Variants in SYNPR observed in about 807,000 individuals in gnomAD.
SYNPR encodes synaptoporin.
A neutral mutation model predicts 32.9 loss-of-function variants in SYNPR; 23 were observed. The ratio of observed to expected loss-of-function variants is 0.70; its 90% CI spans 0.50 to 0.99. The LOEUF (loss-of-function observed/expected upper bound fraction) is 0.99, where lower values mean the gene tolerates loss of function less well. Among genes scored for constraint, SYNPR ranks in the 50% least tolerant of loss-of-function variants. The probability of loss-of-function intolerance (pLI) is 0.00; values close to 1 mark genes in which losing one functional copy is unlikely to be tolerated. For missense variants in SYNPR, 318 were observed against 349.3 expected, an observed-to-expected ratio of 0.91 and a Z score of 0.71; for synonymous variants, 146 against 135.9, an observed-to-expected ratio of 1.07 and a Z score of -0.52.
intron 2 of SYNPR, among the ~76,000 whole-genome samples, chr3:63,282,611 A>G (rs1171372410): frequency 6.6e-6 from 1 of 150,574 alleles, no homozygotes; most frequent in East Asian, 2.0e-4. Flanking sequence ...TGAGCCCACG[A>G]GGTCAAGGCT....
rs577000083 is a variant in SYNPR at position 63,247,789 on chromosome 3, C to T, written n.67-4710C>T. 1.2e-4 allele frequency among the ~76,000 whole-genome samples: 18 copies of T among 152,088 alleles called. No individual in the cohort carries two copies. In the South Asian group the frequency reaches 2.5e-3, roughly 21 times the overall value. On this transcript the variant is annotated intron_variant and non_coding_transcript_variant, in intron 1 of 4. Transcript: ENST00000478456. ...TCTCTCAGCGAGTCAGCCTAAATAC[C>T]GTGAGGTGAAGGGTCAGAACACTGG...
At chr3:63,301,028 A>G (rs1458054657) in intron 2 of SYNPR, among the ~76,000 whole-genome samples, 2 of 152,142 alleles carry the variant, frequency 1.3e-5, no homozygotes, top group African/African-American at 4.8e-5. Flanking sequence ...GCAATGAAAT[A>G]TGATTTGGAA....
At chr3:63,524,852 CAT>C (rs1491219619) in intron 3 of SYNPR, among the ~76,000 whole-genome samples, 767 of 62,080 alleles carry the variant, frequency 0.012, 4 homozygotes, top group African/African-American at 0.031. Flanking sequence ...TGTGTGTGTG[CAT>C]GTGTGTGTGT....
intron 5 of SYNPR, chr3:63,610,524 T>C (rs1178580436): frequency 2.9e-6 from 2 of 700,204 alleles, no homozygotes; most frequent in South Asian, 1.5e-5. Context: ...AAAGGGTTGC[T>C]ACTCTGACTG....
rs545685911 is a variant in SYNPR, at chr3:63,592,849, T to C, written c.409-16276T>C. ...ATCAAGACTAATTAATAGAGTGAACTTTCAGGAGCTGGGCTAAGCATTTTA... is the reference window on the plus strand; with the variant it reads ...ATCAAGACTAATTAATAGAGTGAACCTTCAGGAGCTGGGCTAAGCATTTTA... On this transcript the variant is annotated intron_variant, in intron 4 of 5. Transcript: ENST00000478300. 5.3e-5 allele frequency among the ~76,000 whole-genome samples: 8 copies of C among 152,244 alleles called. 1 individual carries two copies. Among genetic ancestry groups the C allele is most frequent in the South Asian group, 2.1e-4 (1 of 4,826 alleles).
intron 2 of SYNPR, among the ~76,000 whole-genome samples, chr3:63,283,074 T>C (rs966829918): frequency 1.3e-5 from 2 of 152,166 alleles, no homozygotes; most frequent in Non-Finnish European, 2.9e-5. Context: ...TGGTAAACTG[T>C]GGTATGCAGG....
chr3:63,585,451 C>CCA (rs1703166937), intron 4 of SYNPR, among the ~76,000 whole-genome samples: 1 of 107,754 alleles, frequency 9.3e-6, no homozygotes, highest in African/African-American at 3.7e-5. Flanking sequence ...ATATCCATGC[C>CCA]CCCCCCCTCC....
intron 4 of SYNPR, among the ~76,000 whole-genome samples, chr3:63,568,836 T>C (rs1205787030): frequency 6.6e-6 from 1 of 152,174 alleles, no homozygotes. Flanking sequence ...TGGCTGAATT[T>C]CCTCATGTGA....
At chr3:63,472,349 T>C (rs991132289) in intron 2 of SYNPR, among the ~76,000 whole-genome samples, 6 of 152,176 alleles carry the variant, frequency 3.9e-5, no homozygotes, top group Non-Finnish European at 7.3e-5. Flanking sequence ...TTAACCTCTG[T>C]TTCCTCATCT....
At chr3:63,310,393 C>G (rs570328645) in intron 2 of SYNPR, among the ~76,000 whole-genome samples, 2 of 152,100 alleles carry the variant, frequency 1.3e-5, no homozygotes, top group South Asian at 4.1e-4. Flanking sequence ...AAATCATAGT[C>G]ATTAAAATTG....
chr3:63,406,778 TC>T (rs1482624622), intron 2 of SYNPR, among the ~76,000 whole-genome samples: 1 of 152,148 alleles, frequency 6.6e-6, no homozygotes, highest in Non-Finnish European at 1.5e-5. Flanking sequence ...GTTGCCTAGT[TC>T]CTTGATGGCA....
At chr3:63,455,078 A>T (rs998647753) in intron 2 of SYNPR, among the ~76,000 whole-genome samples, 1 of 152,082 alleles carries the variant, frequency 6.6e-6, no homozygotes, top group Admixed American at 6.6e-5. Flanking sequence ...GAATAATTTT[A>T]TTCTTACTGG....
chr3:63,459,586 G>C (rs1195795196), intron 2 of SYNPR, among the ~76,000 whole-genome samples: 2 of 152,104 alleles, frequency 1.3e-5, no homozygotes, highest in African/African-American at 4.8e-5. Flanking sequence ...GGACTCACTG[G>C]ACAGGGTATG....
intron 2 of SYNPR, among the ~76,000 whole-genome samples, chr3:63,284,391 T>C (rs930092289): frequency 1.3e-5 from 2 of 152,180 alleles, no homozygotes; most frequent in Non-Finnish European, 2.9e-5. Flanking sequence ...GCTGCAGCCC[T>C]AGATTCTGTG....
chr3:63,460,572 CAAAAAAAA>C (rs11390803), intron 2 of SYNPR, among the ~76,000 whole-genome samples: 5 of 45,712 alleles, frequency 1.1e-4, no homozygotes, highest in African/African-American at 3.6e-4. Flanking sequence ...ATTGGTAGAC[CAAAAAAAA>C]AAAAAAAAAA....
At chr3:63,391,586 T>C (rs1039058832) in intron 2 of SYNPR, among the ~76,000 whole-genome samples, 1 of 152,224 alleles carries the variant, frequency 6.6e-6, no homozygotes, top group Non-Finnish European at 1.5e-5. Flanking sequence ...TACATACCTA[T>C]TGACCCAATT....
chr3:63,233,728 C>T (rs1043740599), intron 1 of SYNPR, among the ~76,000 whole-genome samples: 2 of 152,072 alleles, frequency 1.3e-5, no homozygotes, highest in Non-Finnish European at 2.9e-5. Context: ...AGAGTTGTCT[C>T]CCAGGCTGTG....
At chr3:63,271,234 T>C (rs1011069368) in intron 3 of SYNPR, among the ~76,000 whole-genome samples, 4 of 152,128 alleles carry the variant, frequency 2.6e-5, no homozygotes, top group Non-Finnish European at 5.9e-5. Context: ...TCTCTGTGTG[T>C]GGGTGGATTA....
intron 2 of SYNPR, among the ~76,000 whole-genome samples, chr3:63,345,339 G>A (rs1239748030): frequency 6.6e-6 from 1 of 152,184 alleles, no homozygotes; most frequent in Non-Finnish European, 1.5e-5. Context: ...ATGAGCAAAG[G>A]TAGCTTGTGA....
Sources: gnomAD v4.1 joint callset for allele counts (sites outside exome capture counted in the v4.1 genomes callset) on GRCh38, gnomAD v4.1.1 for gene constraint, MANE v1.5 for transcripts, NCBI Gene and HGNC (gene_info 2026-07-23, HGNC 2026-07-21) for gene names.